Variants in ARFGEF1 observed in about 807,000 individuals in gnomAD.
ARFGEF1 encodes the protein brefeldin A-inhibited guanine nucleotide-exchange protein 1.
ARFGEF1 carries 42 observed loss-of-function variants against 231.0 expected under a neutral mutation model. That is an observed-to-expected ratio of 0.18 (90% CI 0.14 to 0.24). The LOEUF is 0.24. ARFGEF1 is among the 10% of genes least tolerant of loss of function. ARFGEF1 has a pLI of 1.00. For synonymous variants in ARFGEF1, 710 were observed against 732.3 expected (o/e 0.97, Z 0.49); for missense variants, 1,345 against 2,192.0 (o/e 0.61, Z 7.72).
At chr8:67,317,456 C>A (rs1450973792) in intron 1 of ARFGEF1, among the ~76,000 whole-genome samples, 1 of 152,004 alleles carries the variant, frequency 6.6e-6, no homozygotes, top group African/African-American at 2.4e-5. Context: ...CAGAACTGCA[C>A]TGAACAAAGG....
chr8:67,255,511 C>T (rs1052223808), intron 17 of ARFGEF1, among the ~76,000 whole-genome samples: 2 of 152,066 alleles, frequency 1.3e-5, no homozygotes, highest in African/African-American at 4.8e-5. Flanking sequence ...ACATAAACAG[C>T]TTGTTAAAAT....
intron 5 of ARFGEF1, chr8:67,179,824 A>G (rs1345933493): frequency 7.0e-7 from 1 of 1,430,278 alleles, no homozygotes; most frequent in Non-Finnish European, 9.8e-7. Flanking sequence ...TTTGTACACA[A>G]AACTAATAAA....
chr8:67,189,723 A>G (rs1835678492), intron 5 of ARFGEF1, among the ~76,000 whole-genome samples: 1 of 152,336 alleles, frequency 6.6e-6, no homozygotes, highest in East Asian at 1.9e-4. Flanking sequence ...GATGTCACCA[A>G]CTTATTGGTG....
At chr8:67,218,895 G>A (rs1035338485) in intron 30 of ARFGEF1, among the ~76,000 whole-genome samples, 7 of 152,130 alleles carry the variant, frequency 4.6e-5, no homozygotes, top group Non-Finnish European at 8.8e-5. Context: ...GAAAAGAAAC[G>A]AAAAAGTCAG....
At chr8:67,306,999 G>C (rs1428201919) in intron 1 of ARFGEF1, among the ~76,000 whole-genome samples, 2 of 152,138 alleles carry the variant, frequency 1.3e-5, no homozygotes, top group Admixed American at 6.5e-5. Context: ...GGCTGGTCTC[G>C]AACTCCTGAC....
intron 5 of ARFGEF1, among the ~76,000 whole-genome samples, chr8:67,294,156 T>C (rs1369594967): frequency 6.6e-6 from 1 of 152,106 alleles, no homozygotes; most frequent in Non-Finnish European, 1.5e-5. Flanking sequence ...GTAGAGATGA[T>C]TTAAAGTATA....
intron 1 of ARFGEF1, 76 bp downstream of exon 1, chr8:67,343,088 A>ACCCCCCCCCCCCCCCCGCGCCCCCCC: frequency 1.0e-5 from 4 of 399,152 alleles, no homozygotes; most frequent in African/African-American, 2.1e-5. Flanking sequence ...GCCCCGGGCG[A>ACCCCCCCCCCCCCCCCGCGCCCCCCC]CCCCACCCCC....
intron 1 of ARFGEF1, among the ~76,000 whole-genome samples, chr8:67,304,168 C>T (rs564376890): frequency 2.6e-5 from 4 of 152,318 alleles, no homozygotes; most frequent in South Asian, 2.1e-4. Context: ...GCATCTTTCA[C>T]GTACCAGATA....
At chr8:67,195,693 C>CTTTT (rs1398251083), downstream of ARFGEF1, 1 of 892,890 alleles carries the variant, frequency 1.1e-6, no homozygotes, top group Admixed American at 2.6e-5. Context: ...CTGAAAGTTA[C>CTTTT]TTTTTTTCCA....
intron 17 of ARFGEF1, among the ~76,000 whole-genome samples, chr8:67,255,351 T>C (rs1199683561): frequency 1.3e-5 from 2 of 152,228 alleles, no homozygotes; most frequent in African/African-American, 4.8e-5. Flanking sequence ...ATTTAGTGTT[T>C]AAATCACTTA....
intron 29 of ARFGEF1, among the ~76,000 whole-genome samples, chr8:67,222,427 G>A (rs773231997): frequency 1.8e-4 from 27 of 150,290 alleles, no homozygotes; most frequent in East Asian, 3.9e-4. Flanking sequence ...CACCACACCC[G>A]GCTAATTTTT....
chr8:67,266,337 A>G, intron 13 of ARFGEF1, 130 bp from the exon 14 acceptor site: 1 of 668,052 alleles, frequency 1.5e-6, no homozygotes, highest in South Asian at 2.0e-5. Context: ...CAAAATAACT[A>G]TTAGGTAACA....
intron 33 of ARFGEF1, 83 bp from the exon 34 acceptor site, chr8:67,211,698 AATTAT>A (rs1365680204): frequency 2.5e-6 from 2 of 801,840 alleles, no homozygotes; most frequent in African/African-American, 1.8e-5. Flanking sequence ...TATTTTAAAA[AATTAT>A]ATTATGTCCC....
chr8:67,225,304 G>A (rs1587081419), intron 28 of ARFGEF1, among the ~76,000 whole-genome samples: 1 of 152,212 alleles, frequency 6.6e-6, no homozygotes, highest in South Asian at 2.1e-4. Flanking sequence ...TGCATTATTA[G>A]CCAGGTTAAT....
intron 29 of ARFGEF1, among the ~76,000 whole-genome samples, chr8:67,220,377 C>A (rs992543995): frequency 1.3e-5 from 2 of 152,252 alleles, no homozygotes; most frequent in Admixed American, 1.3e-4. Flanking sequence ...TAAAACAGAA[C>A]AAAATTTTCT....
chr8:67,198,933 A>C lies in ARFGEF1; in HGVS notation c.*1T>G. 6.2e-7 allele frequency: 1 copy of C among 1,612,980 alleles called. No homozygotes were observed. The highest frequency in any genetic ancestry group is 8.5e-7 in the Non-Finnish European group (1 of 1,179,640). On this transcript the variant is annotated 3_prime_UTR_variant, in exon 39 of 39. Coordinates refer to ENST00000262215, the MANE Select transcript of ARFGEF1 (RefSeq NM_006421.5). ...ATGCCAACAAAAATATTAAGTTCCC[A>C]TCATTGCTTGTTTATTCCAAGTTCC...
intron 1 of ARFGEF1, among the ~76,000 whole-genome samples, chr8:67,319,733 A>C (rs1807491383): frequency 6.6e-6 from 1 of 152,198 alleles, no homozygotes. Flanking sequence ...TGCTCTGTGA[A>C]AGACAATGTT....
At position 67,292,049 on chromosome 8, in the gene ARFGEF1, A is replaced by G; in HGVS notation, c.714T>C (p.His238=). ...TAAGTTGAGGTGATTCAGGCTCGTG[A>G]TGGCTTACTGGAGACTGTAACAGAT... ...HHHLLQSPVS[H]HEPESPQLRY... Residue 238 remains histidine, a synonymous_variant, in exon 6 of 39, where the codon CAT becomes CAC. Transcript: ENST00000262215. The G allele has an allele frequency of 1.2e-6, 2 of 1,613,956 alleles. No individual in the cohort carries two copies. The highest frequency in any genetic ancestry group is 1.7e-6 in the Non-Finnish European group (2 of 1,179,878).
intron 7 of ARFGEF1, among the ~76,000 whole-genome samples, chr8:67,283,988 CAAAAT>C (rs1450282075): frequency 6.6e-6 from 1 of 152,050 alleles, no homozygotes; most frequent in East Asian, 1.9e-4. Context: ...AATTTGCCCT[CAAAAT>C]AAACTTCCAT....
Sources: allele counts gnomAD v4.1 joint callset (sites outside exome capture counted in the v4.1 genomes callset), GRCh38; gene constraint gnomAD v4.1.1; transcripts MANE v1.5; gene names NCBI Gene and HGNC (gene_info 2026-07-23, HGNC 2026-07-21).